Variants in IQSEC2 observed in about 807,000 individuals in gnomAD.
The protein encoded by IQSEC2 is IQ motif and SEC7 domain-containing protein 2.
IQSEC2 carries 6 observed loss-of-function variants against 74.6 expected under a neutral mutation model. That is an observed-to-expected ratio of 0.08 (90% CI 0.04 to 0.16). IQSEC2 has a LOEUF of 0.16. Among genes scored for constraint, IQSEC2 ranks in the 10% least tolerant of loss-of-function variants. The pLI is 1.00. For missense variants in IQSEC2, 734 were observed against 1,306.2 expected, an observed-to-expected ratio of 0.56 and a Z score of 6.75; for synonymous variants, 494 against 544.5, an observed-to-expected ratio of 0.91 and a Z score of 1.29.
intron 5 of IQSEC2, 78 bp downstream of exon 5, chrX:53,250,201 G>A (rs868933927): frequency 2.0e-6 from 2 of 1,016,626 alleles, no homozygotes; most frequent in African/African-American, 3.7e-5. Flanking sequence ...GGATCACTGT[G>A]TGGAGTTCTG....
At chrX:53,237,238 G>A (rs1423832618) in intron 12 of IQSEC2, among the ~76,000 whole-genome samples, 1 of 111,459 alleles carries the variant, frequency 9.0e-6, no homozygotes, top group African/African-American at 3.3e-5. Context: ...GGTGCTTCCG[G>A]CCTCCTACAG....
rs145245670 is a variant in IQSEC2, at chrX:53,308,636, G to C, written c.707+11781C>G. ...AACATAGAGACTGGGAGGTGGAAGAGGGGAAGGAGAGATGGAGGGAAGGAT... is the reference window on the plus strand; with the variant it reads ...AACATAGAGACTGGGAGGTGGAAGACGGGAAGGAGAGATGGAGGGAAGGAT... On this transcript the variant is annotated intron_variant, in intron 1 of 14. Transcript: ENST00000642864. 8.3e-3 allele frequency among the ~76,000 whole-genome samples: 931 copies of C among 111,536 alleles called. 9 individuals are homozygous for C. Among genetic ancestry groups the C allele is most frequent in the African/African-American group, 0.028 (849 of 30,689 alleles).
chrX:53,228,179 G>A (rs1388478699), downstream of IQSEC2, among the ~76,000 whole-genome samples: 1 of 111,808 alleles, frequency 8.9e-6, no homozygotes, highest in Non-Finnish European at 1.9e-5. Context: ...CAGGTGCTAT[G>A]AAGTAGGTAT....
At chrX:53,255,260 GA>G (rs1195973686) in intron 3 of IQSEC2, among the ~76,000 whole-genome samples, 2 of 111,212 alleles carry the variant, frequency 1.8e-5, no homozygotes, top group Non-Finnish European at 3.8e-5. Context: ...AAGAGAATGA[GA>G]AAGGAGAAGG....
In IQSEC2 at chrX:53,235,766, C is replaced by T; in HGVS notation, c.3501+17G>A. ...GGGCTCATGCAGAGGACGAGTGGGG[C>T]AGGAGCTGGCACTTACTTCGATGGT... On this transcript the variant is annotated intron_variant, in intron 14 of 14. Coordinates refer to ENST00000642864, the MANE Select transcript of IQSEC2 (RefSeq NM_001111125.3). 8.6e-7 allele frequency: 1 copy of T among 1,165,691 alleles called. No homozygotes were observed. Among genetic ancestry groups the T allele is most frequent in the Non-Finnish European group, 1.1e-6 (1 of 871,599 alleles).
chrX:53,284,470 A>T lies in IQSEC2; in HGVS notation c.737+7425T>A, dbSNP rs782395237. ...GAATGTGTGTCAAATGCTCTGTAAT[A>T]GTACCTCTGTTGTCCCGCTGTGCCC... On this transcript the variant is annotated intron_variant, in intron 2 of 14. Transcript: ENST00000642864. 8.2e-5 allele frequency among the ~76,000 whole-genome samples: 9 copies of T among 110,097 alleles called. 1 individual carries two copies. Among genetic ancestry groups the T allele is most frequent in the Admixed American group, 7.8e-4 (8 of 10,304 alleles).
intron 2 of IQSEC2, among the ~76,000 whole-genome samples, chrX:53,286,483 C>A (rs1251111116): frequency 1.8e-5 from 2 of 111,832 alleles, no homozygotes; most frequent in South Asian, 7.5e-4. Flanking sequence ...TTATCTCACA[C>A]GGCCCCTTGC....
chrX:53,244,620 A>G (rs1477777449), intron 8 of IQSEC2, among the ~76,000 whole-genome samples: 1 of 111,847 alleles, frequency 8.9e-6, no homozygotes, highest in African/African-American at 3.3e-5. Context: ...TCCATTTAAT[A>G]AGATAATGCA....
chrX:53,241,678 C>T, intron 10 of IQSEC2, 106 bp downstream of exon 10: 1 of 1,093,928 alleles, frequency 9.1e-7, no homozygotes, highest in Non-Finnish European at 1.2e-6. Context: ...GAACACCTCG[C>T]CCGCCACACT....
intron 1 of IQSEC2, among the ~76,000 whole-genome samples, chrX:53,310,668 C>G (rs1420715791): frequency 3.6e-5 from 4 of 110,841 alleles, no homozygotes; most frequent in Admixed American, 9.7e-5. Context: ...CAGGTCCACC[C>G]TCTTCCATGA....
rs1221336765 is a variant in IQSEC2, at chrX:53,235,776, C to A, written c.3501+7G>T. The A allele has an allele frequency of 1.6e-5, 19 of 1,164,575 alleles. No individual in the cohort carries two copies. Among genetic ancestry groups the A allele is most frequent in the Admixed American group, 2.6e-5 (1 of 38,518 alleles). ...AGAGGACGAGTGGGGCAGGAGCTGG[C>A]ACTTACTTCGATGGTGCTGTCCAGC... On this transcript the variant is annotated splice_region_variant and intron_variant, in intron 14 of 14. Transcript: ENST00000642864.
chrX:53,265,287 G>C (rs2074637500), intron 2 of IQSEC2, among the ~76,000 whole-genome samples: 1 of 110,542 alleles, frequency 9.0e-6, no homozygotes, highest in African/African-American at 3.3e-5. Flanking sequence ...GAAACCTAGA[G>C]GTTCAATGTG....
At chrX:53,290,227 C>A (rs1261390774) in intron 2 of IQSEC2, among the ~76,000 whole-genome samples, 1 of 111,602 alleles carries the variant, frequency 9.0e-6, no homozygotes, top group Non-Finnish European at 1.9e-5. Context: ...GATGATAAGG[C>A]CAGCTCAGGT....
chrX:53,248,617 T>C (rs2074341543), intron 6 of IQSEC2, 104 bp downstream of exon 6: 4 of 914,175 alleles, frequency 4.4e-6, no homozygotes, highest in African/African-American at 2.0e-5. Flanking sequence ...CATCCTGTTT[T>C]GAAAAGCTTA....
At chrX:53,307,142 T>A (rs1369943441) in intron 1 of IQSEC2, among the ~76,000 whole-genome samples, 2 of 109,852 alleles carry the variant, frequency 1.8e-5, no homozygotes, top group Admixed American at 9.8e-5. Context: ...AATAAAGTGC[T>A]ATTCATTCTG....
At chrX:53,261,089 C>T (rs1286815983) in intron 2 of IQSEC2, among the ~76,000 whole-genome samples, 1 of 111,164 alleles carries the variant, frequency 9.0e-6, no homozygotes, top group Non-Finnish European at 1.9e-5. Context: ...GGGTGCTTGA[C>T]GGCGTTGCTT....
At chrX:53,307,295 C>CTTTTTTTT (rs60909741) in intron 1 of IQSEC2, among the ~76,000 whole-genome samples, 88 of 55,920 alleles carry the variant, frequency 1.6e-3, no homozygotes, top group Middle Eastern at 9.1e-3. Context: ...TTCTTTCTTT[C>CTTTTTTTT]TTTTTTTTTT....
At chrX:53,287,169 G>A (rs1324187615) in intron 2 of IQSEC2, among the ~76,000 whole-genome samples, 7 of 110,991 alleles carry the variant, frequency 6.3e-5, no homozygotes, top group African/African-American at 1.3e-4. Flanking sequence ...CCTCACAATA[G>A]TCCCCTCATT....
chrX:53,248,317 C>T, intron 6 of IQSEC2, 81 bp from the exon 7 acceptor site: 1 of 1,096,593 alleles, frequency 9.1e-7, no homozygotes, highest in Non-Finnish European at 1.2e-6. Flanking sequence ...CTCAAATGGA[C>T]CAACACCCCC....
Sources: allele counts gnomAD v4.1 joint callset (sites outside exome capture counted in the v4.1 genomes callset), GRCh38; gene constraint gnomAD v4.1.1; transcripts MANE v1.5; gene names NCBI Gene and HGNC (gene_info 2026-07-23, HGNC 2026-07-21).